SLC25A27: variants seen among roughly 807,000 people sequenced by gnomAD.
SLC25A27 encodes the protein solute carrier family 25 member 27.
A neutral mutation model predicts 49.1 loss-of-function variants in SLC25A27; 35 were observed. That is an observed-to-expected ratio of 0.71 (90% CI 0.54 to 0.95). The LOEUF (loss-of-function observed/expected upper bound fraction) is 0.95, where lower values mean the gene tolerates loss of function less well. Ranked by LOEUF, SLC25A27 falls within the 40% of genes least tolerant of loss-of-function variation. The pLI is 0.00. For synonymous variants in SLC25A27, 144 were observed against 136.9 expected (o/e 1.05, Z -0.36); for missense variants, 339 against 397.1 (o/e 0.85, Z 1.24).
chr6:46,658,346 A>C (rs1052452836), intron 2 of SLC25A27: 2 of 227,152 alleles, frequency 8.8e-6, no homozygotes, highest in Non-Finnish European at 8.9e-6. Flanking sequence ...CCTTTTAAAA[A>C]TATTTTCTGC....
chr6:46,662,946 G>T (rs565433332), intron 4 of SLC25A27, among the ~76,000 whole-genome samples: 1 of 152,286 alleles, frequency 6.6e-6, no homozygotes, highest in Non-Finnish European at 1.5e-5. Flanking sequence ...GAAAAACCTT[G>T]CTTTCATTCC....
intron 8 of SLC25A27, among the ~76,000 whole-genome samples, chr6:46,672,774 G>A (rs906290983): frequency 4.6e-5 from 7 of 152,142 alleles, no homozygotes; most frequent in Non-Finnish European, 8.8e-5. Context: ...ATGACAAACT[G>A]AATATATTGG....
At chr6:46,653,673 TACAC>T in intron 1 of SLC25A27, 12 of 985,364 alleles carry the variant, frequency 1.2e-5, no homozygotes, top group Non-Finnish European at 1.4e-5. Context: ...TTTATAGTCT[TACAC>T]AGCCACACTG....
Position 46,671,010 on chromosome 6 carries a change from G to A in SLC25A27, c.798-116G>A, listed in dbSNP as rs554567203. 5.7e-4 allele frequency: 395 copies of A among 690,754 alleles called. 3 individuals carry two copies. Among genetic ancestry groups the A allele is most frequent in the Non-Finnish European group, 7.5e-4 (311 of 415,332 alleles). The allele number at this position is 690,754 out of a possible 1,614,324, so 42.8% of individuals were successfully genotyped here. A position where few individuals can be genotyped will look rare whatever the true frequency, so the allele number is the denominator to read the frequency against. On this transcript the variant is annotated intron_variant, in intron 7 of 8. Coordinates refer to ENST00000371347, the MANE Select transcript of SLC25A27 (RefSeq NM_004277.5). Reference sequence around the variant, plus strand: ...CTCCCAAAGTGCTGGGATTACAGGCGTAAGCCACCGCGCCCGGCCAATATT... The same window carrying A: ...CTCCCAAAGTGCTGGGATTACAGGCATAAGCCACCGCGCCCGGCCAATATT...
chr6:46,676,222 T>G (rs950690851), intron 8 of SLC25A27, among the ~76,000 whole-genome samples, 161 bp from the exon 9 acceptor site: 1 of 152,242 alleles, frequency 6.6e-6, no homozygotes, highest in Non-Finnish European at 1.5e-5. Flanking sequence ...AAAAATGCTT[T>G]GTAAATTATA....
At position 46,664,831 on chromosome 6, in the gene SLC25A27, G is replaced by A. The variant is rs752549987; in HGVS notation, c.564G>A (p.Gly188=). ...TCTTAGCTGAAGGAGGAATACGAGG[G>A]CTTTGGGCAGGCTGGGTACCCAATA... ...AKILAEGGIR[G]LWAGWVPNIQ... Residue 188 remains glycine, a synonymous_variant, in exon 5 of 9, where the codon GGG becomes GGA. Transcript: ENST00000371347. The A allele has an allele frequency of 6.2e-7, 1 of 1,609,076 alleles. No homozygotes were observed. The highest frequency in any genetic ancestry group is 8.5e-7 in the Non-Finnish European group (1 of 1,177,352).
intron 4 of SLC25A27, among the ~76,000 whole-genome samples, chr6:46,664,149 A>G (rs6901178): frequency 0.85 from 129,820 of 152,192 alleles, 55,768 homozygotes; most frequent in African/African-American, 0.95. Context: ...TTTTCTGACT[A>G]CATAAAGCTC....
At chr6:46,669,252 G>T (rs900187638) in intron 6 of SLC25A27, among the ~76,000 whole-genome samples, 1 of 152,098 alleles carries the variant, frequency 6.6e-6, no homozygotes, top group African/African-American at 2.4e-5. Context: ...CAGGGTTCAG[G>T]GGAAGGAAAA....
At chr6:46,669,342 G>C (rs569864046) in intron 6 of SLC25A27, among the ~76,000 whole-genome samples, 1 of 152,128 alleles carries the variant, frequency 6.6e-6, no homozygotes, top group Non-Finnish European at 1.5e-5. Context: ...TCACAGAAAG[G>C]GATACGAAGG....
Position 46,676,485 on chromosome 6 carries a change from G to T in SLC25A27, c.*31G>T. 6.2e-7 allele frequency: 1 copy of T among 1,613,472 alleles called. No homozygotes were observed. Among genetic ancestry groups the T allele is most frequent in the East Asian group, 2.2e-5 (1 of 44,870 alleles). On this transcript the variant is annotated 3_prime_UTR_variant, in exon 9 of 9. Coordinates refer to ENST00000371347, the MANE Select transcript of SLC25A27 (RefSeq NM_004277.5). ...TAAAGATGCAACCCTTAAAGATACA[G>T]TGTTCAGTATTATTGAAATATGGGC...
chr6:46,670,121 A>G lies in SLC25A27; in HGVS notation c.705-14A>G. 3 of 1,568,158 alleles carry G rather than the reference A, an allele frequency of 1.9e-6. No individual in the cohort carries two copies. Among genetic ancestry groups the G allele is most frequent in the Non-Finnish European group, 1.7e-6 (2 of 1,145,676 alleles). On this transcript the variant is annotated splice_polypyrimidine_tract_variant and intron_variant, in intron 6 of 8. Coordinates refer to ENST00000371347, the MANE Select transcript of SLC25A27 (RefSeq NM_004277.5). Reference sequence around the variant, plus strand: ...TACATACCATCTTTCAATTTCATTTATTTGTATTTATAGTTTATGTTCTGG... The same window carrying G: ...TACATACCATCTTTCAATTTCATTTGTTTGTATTTATAGTTTATGTTCTGG...
At chr6:46,668,477 G>A (rs139311284) in intron 5 of SLC25A27, among the ~76,000 whole-genome samples, 5 of 152,146 alleles carry the variant, frequency 3.3e-5, no homozygotes, top group African/African-American at 1.2e-4. Flanking sequence ...AGGCCCAGGG[G>A]TTGAGCTGAA....
chr6:46,676,905 A>T lies in SLC25A27; in HGVS notation c.*451A>T, dbSNP rs541770400. The T allele has an allele frequency of 3.4e-4, 177 of 517,972 alleles. 2 individuals are homozygous for T. The highest frequency in any genetic ancestry group is 2.9e-3 in the South Asian group (85 of 29,672). The allele number at this position is 517,972 out of a possible 1,614,324, so 32.1% of individuals were successfully genotyped here. Reference sequence around the variant, plus strand: ...TAACCTGTTATGTCAGTATTTATCAATGAAGTTTGATAATTCACTTTTCTG... The same window carrying T: ...TAACCTGTTATGTCAGTATTTATCATTGAAGTTTGATAATTCACTTTTCTG... On this transcript the variant is annotated 3_prime_UTR_variant, in exon 9 of 9. Transcript: ENST00000371347.
intron 5 of SLC25A27, among the ~76,000 whole-genome samples, chr6:46,666,880 C>T (rs1763342369): frequency 6.6e-6 from 1 of 152,014 alleles, no homozygotes; most frequent in African/African-American, 2.4e-5. Context: ...TCATTTGCTC[C>T]ATTGCTTATA....
chr6:46,654,117 A>G (rs1022514513), intron 1 of SLC25A27: 33 of 985,258 alleles, frequency 3.3e-5, no homozygotes, highest in Non-Finnish European at 3.9e-5. Flanking sequence ...ATGAGCAAGT[A>G]GCGTTTATTC....
In SLC25A27 at chr6:46,671,078, T is replaced by C. The variant is rs1554171752; in HGVS notation, c.798-48T>C. 3.2e-6 allele frequency: 4 copies of C among 1,258,532 alleles called. No individual in the cohort carries two copies. The South Asian group carries it at 5.2e-5, about 16-fold the overall frequency. The allele number at this position is 1,258,532 out of a possible 1,614,324, so 78.0% of individuals were successfully genotyped here. A position where few individuals can be genotyped will look rare whatever the true frequency, so the allele number is the denominator to read the frequency against. On this transcript the variant is annotated intron_variant, in intron 7 of 8. Transcript: ENST00000371347. ...CTTAGACAATTTTTATGTACATATA[T>C]ATTTTTTTACACAGAAAAAAATTAA...
At chr6:46,666,008 A>AT (rs1291678582) in intron 5 of SLC25A27, among the ~76,000 whole-genome samples, 1 of 152,150 alleles carries the variant, frequency 6.6e-6, no homozygotes, top group Non-Finnish European at 1.5e-5. Flanking sequence ...CAATTCATTG[A>AT]TTCTCTTGCA....
intron 5 of SLC25A27, among the ~76,000 whole-genome samples, chr6:46,667,372 T>C (rs564225190): frequency 6.6e-6 from 1 of 152,314 alleles, no homozygotes; most frequent in East Asian, 1.9e-4. Context: ...AGTCTACTCT[T>C]AATAGGAACT....
Position 46,653,263 on chromosome 6 carries a change from T to C in SLC25A27, c.71T>C (p.Leu24Pro), listed in dbSNP as rs1562031524. 1.9e-6 allele frequency: 3 copies of C among 1,613,552 alleles called. No individual in the cohort carries two copies. Among genetic ancestry groups the C allele is most frequent in the Non-Finnish European group, 2.5e-6 (3 of 1,179,706 alleles). The change falls in exon 1 of 9, where the codon CTA becomes CCA. Residue 24 changes from leucine to proline, a missense_variant. By Grantham distance (98) the Leu-to-Pro change is moderately conservative. Transcript: ENST00000371347. ...AGATGGCCCCGAGCGAGCAAATTCC[T>C]ACTGTCCGGCTGCGCGGCTACCGTG... Reference protein sequence around the residue: ...TQRWPRASKFLLSGCAATVAE... With the variant: ...TQRWPRASKFPLSGCAATVAE...
Sources: gnomAD v4.1 joint callset for allele counts (sites outside exome capture counted in the v4.1 genomes callset) on GRCh38, gnomAD v4.1.1 for gene constraint, MANE v1.5 for transcripts, NCBI Gene and HGNC (gene_info 2026-07-23, HGNC 2026-07-21) for gene names.